The following ADAMTS6 variants were observed in gnomAD, a reference collection of about 807,000 sequenced individuals.
The protein encoded by ADAMTS6 is A disintegrin and metalloproteinase with thrombospondin motifs 6.
In ADAMTS6, 23 loss-of-function variants were observed where a neutral mutation model predicts 144.3. The observed-to-expected ratio is 0.16, with a 90% CI of 0.11 to 0.23. The LOEUF is 0.23. ADAMTS6 is among the 10% of genes least tolerant of loss of function. The pLI is 1.00. For synonymous variants in ADAMTS6, 444 were observed against 457.5 expected (o/e 0.97, Z 0.38); for missense variants, 999 against 1,379.6 (o/e 0.72, Z 4.37).
chr5:65,459,416 A>G (rs915063830), intron 4 of ADAMTS6, among the ~76,000 whole-genome samples: 1 of 152,078 alleles, frequency 6.6e-6, no homozygotes, highest in Non-Finnish European at 1.5e-5. Flanking sequence ...TAATCTTTCC[A>G]GTTTCATCTC....
intron 15 of ADAMTS6, among the ~76,000 whole-genome samples, chr5:65,228,239 T>A (rs74958046): frequency 0.19 from 29,077 of 152,026 alleles, 3,719 homozygotes; most frequent in African/African-American, 0.37. Flanking sequence ...ATTTTGTGCA[T>A]TAGGCTTTAA....
intron 21 of ADAMTS6, among the ~76,000 whole-genome samples, chr5:65,190,976 C>T (rs1436286820): frequency 6.6e-6 from 1 of 152,032 alleles, no homozygotes; most frequent in Non-Finnish European, 1.5e-5. Context: ...CCTTGTCTTC[C>T]TTCTCCACGT....
intron 7 of ADAMTS6, among the ~76,000 whole-genome samples, chr5:65,369,048 T>C (rs944899047): frequency 6.6e-6 from 1 of 151,796 alleles, no homozygotes; most frequent in South Asian, 2.1e-4. Flanking sequence ...AGAGTGAGAC[T>C]GTCTCTACAA....
intron 15 of ADAMTS6, 61 bp downstream of exon 15, chr5:65,242,043 G>T: frequency 1.7e-6 from 2 of 1,163,772 alleles, no homozygotes; most frequent in Admixed American, 2.3e-5. Flanking sequence ...GTATATATTT[G>T]TATATTCTTT....
At chr5:65,349,706 T>C (rs1054379577) in intron 7 of ADAMTS6, among the ~76,000 whole-genome samples, 3 of 151,882 alleles carry the variant, frequency 2.0e-5, no homozygotes, top group African/African-American at 7.3e-5. Context: ...AATACAAAAA[T>C]TAGCTAGAAA....
rs916784078 is a variant in ADAMTS6, at chr5:65,170,604, A to G, written c.3244+13T>C. On this transcript the variant is annotated intron_variant, in intron 24 of 24. Transcript: ENST00000381055. Reference sequence around the variant, plus strand: ...ATTAGAAACCACAGGCCCCTCCTCCATGGAAAACTCACCTTCAGTATTAGA... The same window carrying G: ...ATTAGAAACCACAGGCCCCTCCTCCGTGGAAAACTCACCTTCAGTATTAGA... 1 of 1,613,432 alleles carries G rather than the reference A, an allele frequency of 6.2e-7. No individual in the cohort carries two copies. Among genetic ancestry groups the G allele is most frequent in the Admixed American group, 1.7e-5 (1 of 59,982 alleles).
rs535535751 is a variant in ADAMTS6 at position 65,151,081 on chromosome 5, T to C, written c.*755A>G. 2 of 152,794 alleles carry C rather than the reference T, an allele frequency of 1.3e-5. No homozygotes were observed. The highest frequency in any genetic ancestry group is 4.8e-5 in the African/African-American group (2 of 41,592). The allele number at this position is 152,794 out of a possible 1,614,324, so 9.5% of individuals were successfully genotyped here. On this transcript the variant is annotated 3_prime_UTR_variant, in exon 25 of 25. Transcript: ENST00000381055. Reference sequence around the variant, plus strand: ...GGAAATCTCAGCTTTACTTGCACAATGGCAAGTTGGCCACAGTCTTTCAGC... The same window carrying C: ...GGAAATCTCAGCTTTACTTGCACAACGGCAAGTTGGCCACAGTCTTTCAGC...
chr5:65,190,292 G>A (rs1391245522), intron 21 of ADAMTS6, among the ~76,000 whole-genome samples: 1 of 152,068 alleles, frequency 6.6e-6, no homozygotes, highest in Non-Finnish European at 1.5e-5. Context: ...CATTTTCCAA[G>A]GGAGATTTAA....
At chr5:65,346,010 A>G (rs1189256792) in intron 7 of ADAMTS6, among the ~76,000 whole-genome samples, 1 of 151,908 alleles carries the variant, frequency 6.6e-6, no homozygotes, top group East Asian at 1.9e-4. Context: ...CTAATAATCT[A>G]GCTTAAATTT....
At chr5:65,329,597 G>A (rs544146628) in intron 8 of ADAMTS6, 114 bp from the exon 9 acceptor site, 8 of 815,020 alleles carry the variant, frequency 9.8e-6, no homozygotes, top group East Asian at 6.1e-5. Flanking sequence ...AGAAGGAGCC[G>A]TTGGCAAAAG....
At chr5:65,298,090 T>C (rs1252318233) in intron 10 of ADAMTS6, among the ~76,000 whole-genome samples, 3 of 152,074 alleles carry the variant, frequency 2.0e-5, no homozygotes, top group African/African-American at 7.2e-5. Flanking sequence ...ACCAAACCAG[T>C]GGGTGATTTT....
chr5:65,269,864 T>A (rs1761922428), intron 12 of ADAMTS6, among the ~76,000 whole-genome samples: 1 of 151,140 alleles, frequency 6.6e-6, no homozygotes, highest in Non-Finnish European at 1.5e-5. Context: ...TGCAATCTTG[T>A]CTCACTGCAA....
chr5:65,149,112 G>A lies in ADAMTS6; in HGVS notation c.*2724C>T, dbSNP rs1751998863. ...GTATCTCACGGGGTTTAATCATTAGGGTACATTTACCGTTCCTTTTTTAGT... is the reference window on the plus strand; with the variant it reads ...GTATCTCACGGGGTTTAATCATTAGAGTACATTTACCGTTCCTTTTTTAGT... On this transcript the variant is annotated 3_prime_UTR_variant, in exon 25 of 25. Coordinates refer to ENST00000381055, the MANE Select transcript of ADAMTS6 (RefSeq NM_197941.4). 6.6e-6 allele frequency: 1 copy of A among 152,582 alleles called. No homozygotes were observed. Among genetic ancestry groups the A allele is most frequent in the Non-Finnish European group, 1.5e-5 (1 of 68,022 alleles). 9.5% of individuals were successfully genotyped at this position (152,582 alleles called of 1,614,324 possible). A position where few individuals can be genotyped will look rare whatever the true frequency, so the allele number is the denominator to read the frequency against.
intron 7 of ADAMTS6, among the ~76,000 whole-genome samples, chr5:65,381,185 G>A (rs1318100694): frequency 6.6e-6 from 1 of 151,914 alleles, no homozygotes; most frequent in Non-Finnish European, 1.5e-5. Flanking sequence ...TCTCTCTCTT[G>A]TTCTCTCTTC....
chr5:65,249,352 G>A (rs1470105412), intron 14 of ADAMTS6, among the ~76,000 whole-genome samples: 4 of 152,116 alleles, frequency 2.6e-5, no homozygotes, highest in Admixed American at 6.6e-5. Context: ...ATGAAAATGC[G>A]TACAACTTCC....
At chr5:65,331,339 GTAT>G (rs1448391522) in intron 8 of ADAMTS6, among the ~76,000 whole-genome samples, 2 of 151,956 alleles carry the variant, frequency 1.3e-5, no homozygotes, top group African/African-American at 4.8e-5. Flanking sequence ...CCATGTGGCT[GTAT>G]TTTCAATTGA....
At chr5:65,321,272 G>A (rs1745585055) in intron 9 of ADAMTS6, among the ~76,000 whole-genome samples, 1 of 152,044 alleles carries the variant, frequency 6.6e-6, no homozygotes, top group Non-Finnish European at 1.5e-5. Context: ...TCTCACTGTG[G>A]TTTTGATTTG....
intron 13 of ADAMTS6, among the ~76,000 whole-genome samples, chr5:65,261,507 C>G (rs938522483): frequency 6.6e-6 from 1 of 152,042 alleles, no homozygotes; most frequent in African/African-American, 2.4e-5. Flanking sequence ...GTTGAACTTA[C>G]GTTAGTTATT....
At chr5:65,266,283 A>G (rs1761623079) in intron 12 of ADAMTS6, among the ~76,000 whole-genome samples, 2 of 151,990 alleles carry the variant, frequency 1.3e-5, no homozygotes, top group South Asian at 4.1e-4. Context: ...CTCAGTGTTC[A>G]TCACTAAAGT....
Sources: gnomAD v4.1 joint callset for allele counts (sites outside exome capture counted in the v4.1 genomes callset) on GRCh38, gnomAD v4.1.1 for gene constraint, MANE v1.5 for transcripts, NCBI Gene and HGNC (gene_info 2026-07-23, HGNC 2026-07-21) for gene names.